The following ANGPTL5 variants were observed in gnomAD, a reference collection of about 807,000 sequenced individuals.
ANGPTL5 encodes angiopoietin-related protein 5.
A neutral mutation model predicts 39.4 loss-of-function variants in ANGPTL5; 34 were observed. That is an observed-to-expected ratio of 0.86 (90% CI 0.66 to 1.15). The LOEUF (loss-of-function observed/expected upper bound fraction) is 1.15. Among genes scored for constraint, ANGPTL5 ranks in the 50% most tolerant of loss-of-function variants. The pLI is 0.00. For missense variants in ANGPTL5, 467 were observed against 457.5 expected (o/e 1.02, Z -0.19); for synonymous variants, 146 against 152.1 (o/e 0.96, Z 0.29).
chr11:101,900,841 T>C (rs1404071617), intron 6 of ANGPTL5, among the ~76,000 whole-genome samples: 1 of 151,954 alleles, frequency 6.6e-6, no homozygotes, highest in East Asian at 1.9e-4. Flanking sequence ...AATATGTATT[T>C]GCAGCTTTTT....
At chr11:101,898,578 T>C (rs1376875811) in intron 7 of ANGPTL5, among the ~76,000 whole-genome samples, 2 of 152,238 alleles carry the variant, frequency 1.3e-5, no homozygotes, top group Non-Finnish European at 2.9e-5. Context: ...TATACAATCA[T>C]GTCATCTGCA....
chr11:101,910,912 A>C (rs943698121), intron 1 of ANGPTL5, among the ~76,000 whole-genome samples: 2 of 151,908 alleles, frequency 1.3e-5, no homozygotes, highest in African/African-American at 4.8e-5. Context: ...GGTTCAATAA[A>C]ATTGTGTTAC....
Position 101,891,349 on chromosome 11 carries a change from T to C in ANGPTL5, c.1097A>G (p.Asn366Ser). Residue 366 changes from asparagine (N) to serine (S), a missense_variant, in exon 9 of 9, where the codon AAC (asparagine) becomes AGC (serine). Coordinates refer to ENST00000334289, the MANE Select transcript of ANGPTL5 (RefSeq NM_178127.5). ...AGATTTAATCTTGACAGGTGAGTTG[T>C]TTTTGGTCCACGTGCCCCATTGAAT... ...TGIQWGTWTK[N>S]NSPVKIKSVS... is the part of the protein sequence containing the mutation. 6.2e-7 allele frequency: 1 copy of C among 1,613,314 alleles called. No homozygotes were observed. Among genetic ancestry groups the C allele is most frequent in the Non-Finnish European group, 8.5e-7 (1 of 1,179,584 alleles).
Position 101,900,487 on chromosome 11 carries a change from T to A in ANGPTL5, c.604A>T (p.Ile202Leu). 6.2e-7 allele frequency: 1 copy of A among 1,613,080 alleles called. No individual in the cohort carries two copies. Among genetic ancestry groups the A allele is most frequent in the Non-Finnish European group, 8.5e-7 (1 of 1,179,238 alleles). Residue 202 changes from isoleucine to leucine, a missense_variant, in exon 7 of 9, where the codon ATA (isoleucine) becomes TTA (leucine). Ile to Leu is a conservative substitution (Grantham distance 5). Transcript: ENST00000334289. Reference protein sequence around the residue: ...RTVIQKRIDGIIDFQRLWCDY... With the variant: ...RTVIQKRIDGLIDFQRLWCDY... ...CACCACAACCTCTGGAAATCAATTA[T>A]CCCATCAATTCTTTTCTGTATCACA...
chr11:101,909,025 A>G (rs1940048498), intron 1 of ANGPTL5, among the ~76,000 whole-genome samples: 2 of 152,144 alleles, frequency 1.3e-5, no homozygotes, highest in Admixed American at 1.3e-4. Context: ...TTAAGAGGCA[A>G]AGCAAAACTT....
In ANGPTL5 at chr11:101,916,326, C is replaced by T. The variant is rs981346873; in HGVS notation, c.-400G>A. ...GTCAACAATTTGTATTGAGTGCCTG[C>T]TCTTTGGCTGACTCTGTTCTAGGTT... On this transcript the variant is annotated 5_prime_UTR_variant, in exon 1 of 9. Transcript: ENST00000334289. 6.6e-6 allele frequency: 1 copy of T among 152,238 alleles called. No individual in the cohort carries two copies. The highest frequency in any genetic ancestry group is 1.5e-5 in the Non-Finnish European group (1 of 68,048). 9.4% of individuals were successfully genotyped at this position (152,238 alleles called of 1,614,324 possible).
At chr11:101,907,595 T>G (rs76880133) in intron 2 of ANGPTL5, among the ~76,000 whole-genome samples, 5,773 of 152,260 alleles carry the variant, frequency 0.038, 135 homozygotes, top group African/African-American at 0.062. Context: ...CTGAAATGTC[T>G]TCAAAATATT....
chr11:101,902,801 T>C (rs1232142928), intron 5 of ANGPTL5, 80 bp from the exon 6 acceptor site: 1 of 821,134 alleles, frequency 1.2e-6, no homozygotes, highest in African/African-American at 1.7e-5. Flanking sequence ...GAATTGATAG[T>C]GCTATTATCA....
intron 5 of ANGPTL5, among the ~76,000 whole-genome samples, 186 bp from the exon 6 acceptor site, chr11:101,902,907 GCTGCAATAAGC>G (rs1164288368): frequency 6.6e-6 from 1 of 152,096 alleles, no homozygotes; most frequent in African/African-American, 2.4e-5. Flanking sequence ...AAGAATTTAT[GCTGCAATAAGC>G]CTTCACTTAT....
At chr11:101,905,421 T>C (rs1183398904) in intron 4 of ANGPTL5, among the ~76,000 whole-genome samples, 1 of 152,058 alleles carries the variant, frequency 6.6e-6, no homozygotes, top group African/African-American at 2.4e-5. Context: ...TTTATGATTT[T>C]TAAAACATTT....
intron 3 of ANGPTL5, 131 bp from the exon 4 acceptor site, chr11:101,905,978 T>C (rs1033267746): frequency 5.8e-5 from 37 of 638,578 alleles, no homozygotes; most frequent in Middle Eastern, 8.2e-4. Context: ...ATCTTAATAC[T>C]CAGAATTACA....
At position 101,904,901 on chromosome 11, in the gene ANGPTL5, C is replaced by T. The variant is rs369448584; in HGVS notation, c.352G>A (p.Glu118Lys). The T allele has an allele frequency of 5.0e-6, 8 of 1,611,678 alleles. No homozygotes were observed. Among genetic ancestry groups the T allele is most frequent in the Non-Finnish European group, 5.9e-6 (7 of 1,178,116 alleles). The change falls in exon 5 of 9, where the codon GAG (glutamate) becomes AAG (lysine). Residue 118 changes from glutamate (E) to lysine (K), a missense_variant. Glu to Lys is a moderately conservative substitution (Grantham distance 56, BLOSUM62 1). Coordinates refer to ENST00000334289, the MANE Select transcript of ANGPTL5 (RefSeq NM_178127.5). Reference sequence around the variant, plus strand: ...AAAAGGAGAACTCTATTCATGAGCTCGTTAACCTAAACACATGCATACACA... The same window carrying T: ...AAAAGGAGAACTCTATTCATGAGCTTGTTAACCTAAACACATGCATACACA... Reference protein sequence around the residue: ...SLDYLSNQVNELMNRVLLLTT... With the variant: ...SLDYLSNQVNKLMNRVLLLTT...
chr11:101,901,438 G>A lies in ANGPTL5; in HGVS notation c.541-888C>T, dbSNP rs183203625. On this transcript the variant is annotated intron_variant, in intron 6 of 8. Coordinates refer to ENST00000334289, the MANE Select transcript of ANGPTL5 (RefSeq NM_178127.5). ...GAAAGGCATGATCTGTGCCCACTCA[G>A]CAGGTGCTCATAGACACATCTGTTG... is the stretch of plus-strand genomic sequence containing the variant. Among the ~76,000 whole-genome samples, 416 of 152,218 alleles carry A rather than the reference G, an allele frequency of 2.7e-3. 3 individuals are homozygous for A. The highest frequency in any genetic ancestry group is 9.3e-3 in the African/African-American group (388 of 41,526).
chr11:101,898,861 T>C (rs1939844147), intron 7 of ANGPTL5, among the ~76,000 whole-genome samples: 1 of 152,224 alleles, frequency 6.6e-6, no homozygotes, highest in Non-Finnish European at 1.5e-5. Flanking sequence ...TGAAGGAGTG[T>C]TGAATTTATC....
intron 1 of ANGPTL5, among the ~76,000 whole-genome samples, chr11:101,912,643 G>A (rs1236403704): frequency 2.0e-5 from 3 of 152,112 alleles, no homozygotes; most frequent in African/African-American, 7.2e-5. Context: ...GGTTGTTACC[G>A]TAAAACAATA....
Position 101,891,198 on chromosome 11 carries a change from AAACACT to A in ANGPTL5, c.*75_*80del. ...AGTTAAATTTTGCCTAATATGTTTG[AAACACT>A]AAGTGAAAAGATAAACTTTTAAAAA... On this transcript the variant is annotated 3_prime_UTR_variant, in exon 9 of 9. Transcript: ENST00000334289. 1 of 1,349,496 alleles carries A rather than the reference AAACACT, an allele frequency of 7.4e-7. No individual in the cohort carries two copies. Among genetic ancestry groups the A allele is most frequent in the Non-Finnish European group, 1.0e-6 (1 of 994,132 alleles). 83.6% of individuals were successfully genotyped at this position (1,349,496 alleles called of 1,614,324 possible).
Position 101,905,778 on chromosome 11 carries a change from T to A in ANGPTL5, c.311A>T (p.Glu104Val). The change falls in exon 4 of 9, where the codon GAG becomes GTG. Residue 104 changes from glutamate to valine, a missense_variant. Glu to Val is a moderately radical substitution (Grantham distance 121). Transcript: ENST00000334289. Reference sequence around the variant, plus strand: ...TAAATAATCCAAGGAAGCTTGTTGCTCATCCATCATATTCCTTAGTAGTTT... The same window carrying A: ...TAAATAATCCAAGGAAGCTTGTTGCACATCCATCATATTCCTTAGTAGTTT... ...TKKLLRNMMD[E>V]QQASLDYLSN... 2 of 1,612,196 alleles carry A rather than the reference T, an allele frequency of 1.2e-6. No homozygotes were observed. Among genetic ancestry groups the A allele is most frequent in the Non-Finnish European group, 1.7e-6 (2 of 1,178,932 alleles).
Position 101,909,135 on chromosome 11 carries a change from C to G in ANGPTL5, c.-92-1134G>C, listed in dbSNP as rs1241757358. Among the ~76,000 whole-genome samples, 99 of 152,190 alleles carry G rather than the reference C, an allele frequency of 6.5e-4. 2 individuals carry two copies. The highest frequency in any genetic ancestry group is 6.3e-3 in the Admixed American group (97 of 15,276). The stretch of plus-strand genomic sequence containing the variant: ...TATGGTACTAGTACAATGACTGATA[C>G]ACAAGAGGCACTCAAATATTTTCTT... On this transcript the variant is annotated intron_variant, in intron 1 of 8. Transcript: ENST00000334289.
Position 101,902,734 on chromosome 11 carries a change from AATTATTTAAT to A in ANGPTL5, c.440-23_440-14del. The A allele has an allele frequency of 6.7e-7, 1 of 1,502,822 alleles. No individual in the cohort carries two copies. Among genetic ancestry groups the A allele is most frequent in the Non-Finnish European group, 9.2e-7 (1 of 1,081,338 alleles). 93.1% of individuals were successfully genotyped at this position (1,502,822 alleles called of 1,614,324 possible). ...GTGCAATCTAAACCTAGAAAAGCAA[AATTATTTAAT>A]TGGGATATTTTCAAATGTACATTTA... is the stretch of plus-strand genomic sequence containing the variant. On this transcript the variant is annotated splice_polypyrimidine_tract_variant and intron_variant, in intron 5 of 8. Transcript: ENST00000334289.
Sources: gnomAD v4.1 joint callset for allele counts (sites outside exome capture counted in the v4.1 genomes callset) on GRCh38, gnomAD v4.1.1 for gene constraint, MANE v1.5 for transcripts, NCBI Gene and HGNC (gene_info 2026-07-23, HGNC 2026-07-21) for gene names.